Variants in EPHA5 observed in about 807,000 individuals in gnomAD.
EPHA5 encodes EPH receptor A5.
In EPHA5, 60 loss-of-function variants were observed where a neutral mutation model predicts 105.0. The ratio of observed to expected loss-of-function variants is 0.57; its 90% CI spans 0.46 to 0.71. EPHA5 has a LOEUF of 0.71. EPHA5 is among the 30% of genes least tolerant of loss of function. EPHA5 has a pLI of 0.00. For missense variants in EPHA5, 1,218 were observed against 1,274.7 expected, an observed-to-expected ratio of 0.96 and a Z score of 0.68; for synonymous variants, 513 against 449.1, an observed-to-expected ratio of 1.14 and a Z score of -1.80.
At chr4:65,356,774 AT>A (rs1723337975) in intron 11 of EPHA5, among the ~76,000 whole-genome samples, 1 of 151,538 alleles carries the variant, frequency 6.6e-6, no homozygotes. Flanking sequence ...AGTCATTTTA[AT>A]GCTAATTACA....
At chr4:65,544,336 G>C (rs115939682) in intron 3 of EPHA5, among the ~76,000 whole-genome samples, 16 of 151,920 alleles carry the variant, frequency 1.1e-4, no homozygotes, top group African/African-American at 3.9e-4. Flanking sequence ...ATCTGACAAA[G>C]GTCTAATATC....
At chr4:65,356,081 C>T (rs912851741) in intron 11 of EPHA5, among the ~76,000 whole-genome samples, 1 of 151,472 alleles carries the variant, frequency 6.6e-6, no homozygotes, top group African/African-American at 2.4e-5. Context: ...TGCTTGGCAC[C>T]TCTCAGCTCA....
intron 1 of EPHA5, 28 bp downstream of exon 1, chr4:65,669,534 G>A (rs2149570323): frequency 1.5e-6 from 2 of 1,354,686 alleles, no homozygotes; most frequent in Non-Finnish European, 1.9e-6. Context: ...GCCCCAGGTC[G>A]CCACGGTCCC....
chr4:65,443,060 A>C (rs573054994), intron 5 of EPHA5, among the ~76,000 whole-genome samples: 1 of 152,244 alleles, frequency 6.6e-6, no homozygotes, highest in South Asian at 2.1e-4. Context: ...GATGCTAGAA[A>C]CCTAAAACAC....
chr4:65,573,624 A>G (rs1287473558), intron 3 of EPHA5: 11 of 1,600,282 alleles, frequency 6.9e-6, no homozygotes, highest in Admixed American at 1.7e-5. Flanking sequence ...AGGAATTGGC[A>G]GGTATTCCCG....
At chr4:65,392,872 T>C (rs965937100) in intron 8 of EPHA5, among the ~76,000 whole-genome samples, 6 of 152,168 alleles carry the variant, frequency 3.9e-5, no homozygotes, top group African/African-American at 1.4e-4. Context: ...TTTATTTAAT[T>C]AAGTTATGTA....
intron 14 of EPHA5, among the ~76,000 whole-genome samples, chr4:65,336,959 A>G (rs771018680): frequency 3.9e-5 from 6 of 152,104 alleles, no homozygotes; most frequent in Non-Finnish European, 8.8e-5. Context: ...TCAATATCTT[A>G]TTTTGCATAT....
intron 5 of EPHA5, among the ~76,000 whole-genome samples, chr4:65,459,829 C>A (rs1216575958): frequency 6.6e-6 from 1 of 151,248 alleles, no homozygotes; most frequent in Admixed American, 6.6e-5. Flanking sequence ...TAAAGGAAAT[C>A]TAAAAAAGAA....
chr4:65,351,620 A>C, intron 12 of EPHA5, 22 bp from the exon 13 acceptor site: 16 of 1,609,260 alleles, frequency 9.9e-6, no homozygotes, highest in Non-Finnish European at 1.4e-5. Flanking sequence ...ATGTAGAAAT[A>C]TTAGTCTAGC....
At chr4:65,573,343 A>G (rs928341186) in intron 3 of EPHA5, 14 of 598,860 alleles carry the variant, frequency 2.3e-5, no homozygotes, top group Admixed American at 7.3e-5. Context: ...CCCGGGAGGC[A>G]GAGCTTGCAA....
At chr4:65,382,757 A>G (rs1015320301) in intron 8 of EPHA5, among the ~76,000 whole-genome samples, 1 of 151,742 alleles carries the variant, frequency 6.6e-6, no homozygotes, top group Non-Finnish European at 1.5e-5. Context: ...CTCAAACATC[A>G]TTATTTTTCA....
rs768239659 is a variant in EPHA5, at chr4:65,643,443, C to CA, written c.182-17dup. 22 of 1,603,170 alleles carry CA rather than the reference C, an allele frequency of 1.4e-5. No homozygotes were observed. The South Asian group carries it at 2.1e-4, about 15-fold the overall frequency. On this transcript the variant is annotated splice_polypyrimidine_tract_variant and intron_variant, in intron 1 of 16. Coordinates refer to ENST00000613740, the MANE Select transcript of EPHA5 (RefSeq NM_001281766.3). ...AATAAATTCACTGAAAAGAAAAGAA[C>CA]AAAAAACTCAGTGAAATGTATATTA...
At chr4:65,348,270 C>T (rs934002482) in intron 13 of EPHA5, 67 bp from the exon 14 acceptor site, 1 of 1,417,448 alleles carries the variant, frequency 7.1e-7, no homozygotes, top group East Asian at 2.3e-5. Flanking sequence ...AGTGTTGCCT[C>T]ACTGAAAAGA....
At chr4:65,443,930 C>T (rs865963103) in intron 5 of EPHA5, among the ~76,000 whole-genome samples, 236 of 98,500 alleles carry the variant, frequency 2.4e-3, no homozygotes, top group African/African-American at 4.2e-3. Flanking sequence ...TGTGTGTGTG[C>T]GTGCACGTGT....
chr4:65,337,074 A>AT (rs1048712494), intron 14 of EPHA5, among the ~76,000 whole-genome samples: 18 of 151,624 alleles, frequency 1.2e-4, no homozygotes, highest in Non-Finnish European at 1.8e-4. Flanking sequence ...GATAATTTTA[A>AT]TTTTTTTTTC....
intron 8 of EPHA5, among the ~76,000 whole-genome samples, chr4:65,367,794 T>C (rs1718065143): frequency 6.6e-6 from 1 of 152,066 alleles, no homozygotes; most frequent in South Asian, 2.1e-4. Flanking sequence ...TGCCCAAAAA[T>C]GTGTGTCTGA....
At chr4:65,654,097 T>C (rs958417428) in intron 1 of EPHA5, among the ~76,000 whole-genome samples, 1 of 152,026 alleles carries the variant, frequency 6.6e-6, no homozygotes, top group Non-Finnish European at 1.5e-5. Context: ...TTTTTCTTAT[T>C]CTGAATTGGT....
At chr4:65,472,083 T>C (rs186747186) in intron 5 of EPHA5, among the ~76,000 whole-genome samples, 423 of 152,174 alleles carry the variant, frequency 2.8e-3, no homozygotes, top group Non-Finnish European at 4.8e-3. Context: ...CAAGATACAA[T>C]GGGGATACAG....
chr4:65,427,908 A>C (rs552433850), intron 5 of EPHA5, among the ~76,000 whole-genome samples: 1 of 152,242 alleles, frequency 6.6e-6, no homozygotes, highest in African/African-American at 2.4e-5. Context: ...TTTACTATCT[A>C]TGTGTATGAT....
Sources: gnomAD v4.1 joint callset for allele counts (sites outside exome capture counted in the v4.1 genomes callset) on GRCh38, gnomAD v4.1.1 for gene constraint, MANE v1.5 for transcripts, NCBI Gene and HGNC (gene_info 2026-07-23, HGNC 2026-07-21) for gene names.